PCM1: variants seen among roughly 807,000 people sequenced by gnomAD.
PCM1 encodes pericentriolar material 1 protein.
A neutral mutation model predicts 241.9 loss-of-function variants in PCM1; 157 were observed. That is an observed-to-expected ratio of 0.65 (90% CI 0.57 to 0.74). The LOEUF (loss-of-function observed/expected upper bound fraction) is 0.74, where lower values mean the gene tolerates loss of function less well. Ranked by LOEUF, PCM1 falls within the 30% of genes least tolerant of loss-of-function variation. The pLI, the probability that PCM1 is intolerant of heterozygous loss-of-function variation, is 0.00. For missense variants in PCM1, 3,478 were observed against 2,360.1 expected (o/e 1.47, Z -9.81); for synonymous variants, 1,085 against 784.9 (o/e 1.38, Z -6.39).
At chr8:17,955,187 T>C (rs1216988768) in intron 9 of PCM1, among the ~76,000 whole-genome samples, 1 of 152,208 alleles carries the variant, frequency 6.6e-6, no homozygotes, top group African/African-American at 2.4e-5. Flanking sequence ...AGAATATCAT[T>C]ATTCTTGTCA....
rs150067386 is a variant in PCM1, at chr8:17,975,257, G to A, written c.3943+2570G>A. ...ACTGTATCTTTAACCTCCACCTCCC[G>A]GGTTCAAACAATTCTCCTGTCTCAT... On this transcript the variant is annotated intron_variant, in intron 23 of 38. Coordinates refer to ENST00000325083, the MANE Select transcript of PCM1 (RefSeq NM_006197.4). Among the ~76,000 whole-genome samples, 645 of 152,024 alleles carry A rather than the reference G, an allele frequency of 4.2e-3. 4 individuals carry two copies. Among genetic ancestry groups the A allele is most frequent in the South Asian group, 0.019 (93 of 4,818 alleles).
chr8:17,943,586 A>G (rs1015032852), intron 6 of PCM1, among the ~76,000 whole-genome samples: 1 of 152,188 alleles, frequency 6.6e-6, no homozygotes, highest in Non-Finnish European at 1.5e-5. Context: ...GTTTCTTTGA[A>G]TAATATCCTT....
intron 15 of PCM1, among the ~76,000 whole-genome samples, 169 bp downstream of exon 15, chr8:17,960,613 C>G (rs1387389035): frequency 6.8e-6 from 1 of 146,394 alleles, no homozygotes; most frequent in East Asian, 2.0e-4. Flanking sequence ...CAAGCTCTGC[C>G]TCTTAGGTTC....
chr8:17,956,599 A>T lies in PCM1; in HGVS notation c.1473-5A>T, dbSNP rs1324626691. The T allele has an allele frequency of 3.2e-6, 5 of 1,559,830 alleles. No individual in the cohort carries two copies. Among genetic ancestry groups the T allele is most frequent in the South Asian group, 1.2e-5 (1 of 84,650 alleles). On this transcript the variant is annotated splice_polypyrimidine_tract_variant and splice_region_variant and intron_variant, in intron 10 of 38. Coordinates refer to ENST00000325083, the MANE Select transcript of PCM1 (RefSeq NM_006197.4). ...AATCGTATACATAAATTTTTTGTTT[A>T]TCAGGAAGTTAAATGAAGTTCGAAA...
intron 24 of PCM1, 92 bp from the exon 25 acceptor site, chr8:17,985,355 A>T: frequency 1.3e-6 from 1 of 763,230 alleles, no homozygotes; most frequent in Admixed American, 3.5e-5. Flanking sequence ...ATTTTTAGAT[A>T]ATTTAAAGCT....
At chr8:18,003,909 C>T (rs2090437280) in intron 29 of PCM1, among the ~76,000 whole-genome samples, 1 of 151,882 alleles carries the variant, frequency 6.6e-6, no homozygotes, top group Non-Finnish European at 1.5e-5. Context: ...TCATCTTAGG[C>T]CTAAAGTATT....
rs2055131135 is a variant in PCM1 at position 17,923,066 on chromosome 8, G to C, written c.-213G>C. The C allele has an allele frequency of 1.3e-5, 2 of 152,732 alleles. No homozygotes were observed. The highest frequency in any genetic ancestry group is 4.8e-5 in the African/African-American group (2 of 41,474). The allele number at this position is 152,732 out of a possible 1,614,324, so 9.5% of individuals were successfully genotyped here. Reference sequence around the variant, plus strand: ...GGTCGAAAAGGCGGCCACTGGGGCCGAGGCAGCCAGGAAACGTGTGGGCCT... The same window carrying C: ...GGTCGAAAAGGCGGCCACTGGGGCCCAGGCAGCCAGGAAACGTGTGGGCCT... On this transcript the variant is annotated 5_prime_UTR_variant, in exon 1 of 39. Coordinates refer to ENST00000325083, the MANE Select transcript of PCM1 (RefSeq NM_006197.4).
chr8:17,996,800 A>C (rs1182964546), intron 29 of PCM1, among the ~76,000 whole-genome samples: 1 of 152,222 alleles, frequency 6.6e-6, no homozygotes, highest in Non-Finnish European at 1.5e-5. Flanking sequence ...ATGAAAACTT[A>C]TGCAAATGTT....
chr8:18,018,891 T>C (rs1367477836), intron 36 of PCM1, among the ~76,000 whole-genome samples: 1 of 82,520 alleles, frequency 1.2e-5, no homozygotes, highest in Non-Finnish European at 2.7e-5. Context: ...CACACACATA[T>C]ACATACACAT....
intron 4 of PCM1, among the ~76,000 whole-genome samples, chr8:17,938,038 C>T (rs1182669295): frequency 1.3e-5 from 2 of 152,122 alleles, no homozygotes; most frequent in Admixed American, 6.5e-5. Flanking sequence ...GTAGACACAA[C>T]TTTAATTACA....
intron 2 of PCM1, among the ~76,000 whole-genome samples, chr8:17,933,155 G>T (rs957575321): frequency 6.6e-6 from 1 of 152,172 alleles, no homozygotes; most frequent in Non-Finnish European, 1.5e-5. Flanking sequence ...TGACATAATG[G>T]ACGTGAAATA....
intron 30 of PCM1, 119 bp from the exon 31 acceptor site, chr8:18,009,428 A>G: frequency 1.5e-6 from 1 of 665,380 alleles, no homozygotes. Context: ...AATACTAACA[A>G]CCTATCTTTC....
chr8:18,023,711 T>C (rs1299192067), intron 36 of PCM1, among the ~76,000 whole-genome samples: 1 of 152,244 alleles, frequency 6.6e-6, no homozygotes, highest in Admixed American at 6.5e-5. Context: ...GAGGGATCTT[T>C]AAGTTCTTGC....
At chr8:17,974,338 C>T (rs1432216143) in intron 23 of PCM1, among the ~76,000 whole-genome samples, 1 of 152,142 alleles carries the variant, frequency 6.6e-6, no homozygotes, top group East Asian at 1.9e-4. Flanking sequence ...CAGAGATGCT[C>T]TTTGTCATAT....
chr8:17,964,849 T>G, intron 18 of PCM1, 81 bp downstream of exon 18: 1 of 1,018,128 alleles, frequency 9.8e-7, no homozygotes, highest in Non-Finnish European at 1.5e-6. Context: ...TCTGCAGTTC[T>G]CCAAGCCAAC....
intron 21 of PCM1, among the ~76,000 whole-genome samples, chr8:17,968,523 A>G (rs1163002145): frequency 1.3e-5 from 2 of 152,134 alleles, no homozygotes; most frequent in Non-Finnish European, 2.9e-5. Context: ...TTATAGTGAT[A>G]GAGTGAATAA....
At chr8:17,941,096 C>T (rs555097945) in intron 6 of PCM1, among the ~76,000 whole-genome samples, 1 of 152,236 alleles carries the variant, frequency 6.6e-6, no homozygotes, top group East Asian at 1.9e-4. Context: ...TTATTTTCAA[C>T]AGGAGATACT....
At position 17,962,966 on chromosome 8, in the gene PCM1, T is replaced by C. The variant is rs115786896; in HGVS notation, c.2464-135T>C. 2.4e-3 allele frequency: 1,512 copies of C among 623,858 alleles called. 14 individuals carry two copies. In the African/African-American group the frequency reaches 0.026, roughly 11 times the overall value. The allele number at this position is 623,858 out of a possible 1,614,324, so 38.6% of individuals were successfully genotyped here. ...AACTATATTATTATTTTAACCTTCA[T>C]GGACATGTTAGTGTGAAAAGGAGAG... On this transcript the variant is annotated intron_variant, in intron 16 of 38. Coordinates refer to ENST00000325083, the MANE Select transcript of PCM1 (RefSeq NM_006197.4).
In PCM1 at chr8:17,953,056, A is replaced by G. The variant is rs753087311; in HGVS notation, c.1158A>G (p.Ser386=). The part of the protein sequence containing the change: ...EVSQSRKPSA[S]ERLPDEKVEL... ...CCCAGAGCAGGAAACCATCAGCTTC[A>G]GAACGTTTACCTGATGAGAAAGTCG... The change falls in exon 9 of 39, where the codon TCA becomes TCG. Residue 386 remains serine, a synonymous_variant. Transcript: ENST00000325083. 11 of 1,607,392 alleles carry G rather than the reference A, an allele frequency of 6.8e-6. No homozygotes were observed. The highest frequency in any genetic ancestry group is 6.8e-6 in the Non-Finnish European group (8 of 1,176,518).
Sources: allele counts gnomAD v4.1 joint callset (sites outside exome capture counted in the v4.1 genomes callset), GRCh38; gene constraint gnomAD v4.1.1; transcripts MANE v1.5; gene names NCBI Gene and HGNC (gene_info 2026-07-23, HGNC 2026-07-21).